Variants in MYO10 observed in about 807,000 individuals in gnomAD.
MYO10 encodes the protein myosin X.
A neutral mutation model predicts 257.3 loss-of-function variants in MYO10; 133 were observed. The ratio of observed to expected loss-of-function variants is 0.52; its 90% CI spans 0.45 to 0.60. MYO10 has a LOEUF of 0.60. Ranked by LOEUF, MYO10 falls within the 20% of genes least tolerant of loss-of-function variation. The probability of loss-of-function intolerance (pLI) is 0.00; values close to 1 mark genes in which losing one functional copy is unlikely to be tolerated. For missense variants in MYO10, 2,399 were observed against 2,635.7 expected (o/e 0.91, Z 1.97); for synonymous variants, 1,104 against 1,028.6 (o/e 1.07, Z -1.40).
intron 4 of MYO10, among the ~76,000 whole-genome samples, chr5:16,790,133 GA>G (rs1741709886): frequency 1.3e-5 from 2 of 151,770 alleles, no homozygotes; most frequent in South Asian, 4.2e-4. Context: ...TCTAGAAATA[GA>G]AAAAGACCAA....
intron 1 of MYO10, among the ~76,000 whole-genome samples, chr5:16,927,355 TG>T (rs1746163812): frequency 6.6e-6 from 1 of 152,196 alleles, no homozygotes; most frequent in South Asian, 2.1e-4. Flanking sequence ...GATGGAGTCT[TG>T]CTCTGTTGCC....
At chr5:16,899,978 A>G (rs747398164) in intron 1 of MYO10, among the ~76,000 whole-genome samples, 32 of 137,054 alleles carry the variant, frequency 2.3e-4, no homozygotes, top group Non-Finnish European at 4.4e-4. Context: ...AGCCTGGGCA[A>G]CACAGCAAGA....
chr5:16,848,155 C>CTTTTTTTTTTTTTTTTTTTTTTTTTTTTT (rs371042891), intron 2 of MYO10, among the ~76,000 whole-genome samples: 1 of 113,596 alleles, frequency 8.8e-6, no homozygotes, highest in Non-Finnish European at 1.7e-5. Context: ...CTACACATTT[C>CTTTTTTTTTTTTTTTTTTTTTTTTTTTTT]TTTTTTTTTT....
At chr5:16,901,677 C>G (rs1364388919) in intron 1 of MYO10, among the ~76,000 whole-genome samples, 1 of 152,142 alleles carries the variant, frequency 6.6e-6, no homozygotes, top group African/African-American at 2.4e-5. Flanking sequence ...CATCAAAATC[C>G]TAAATTACCT....
chr5:16,877,505 G>GT, intron 2 of MYO10, 104 bp downstream of exon 2: 1 of 795,254 alleles, frequency 1.3e-6, no homozygotes, highest in South Asian at 1.6e-5. Context: ...GGAAAAAAAT[G>GT]TAAAGCGTGT....
intron 27 of MYO10, among the ~76,000 whole-genome samples, chr5:16,692,486 G>T (rs2126526380): frequency 6.6e-6 from 1 of 152,186 alleles, no homozygotes; most frequent in East Asian, 1.9e-4. Context: ...CTGGGAGTTT[G>T]GATAATATTA....
At chr5:16,784,655 A>G (rs934599379) in intron 4 of MYO10, among the ~76,000 whole-genome samples, 1 of 152,228 alleles carries the variant, frequency 6.6e-6, no homozygotes, top group Non-Finnish European at 1.5e-5. Context: ...AAACGCCATC[A>G]CGAGGCAGCA....
At chr5:16,847,868 G>C (rs1433691876) in intron 2 of MYO10, among the ~76,000 whole-genome samples, 1 of 152,162 alleles carries the variant, frequency 6.6e-6, no homozygotes, top group African/African-American at 2.4e-5. Context: ...CTGCGCTCCA[G>C]TCTGGGCAAC....
chr5:16,677,791 G>A (rs530545024), intron 33 of MYO10, among the ~76,000 whole-genome samples: 4 of 147,102 alleles, frequency 2.7e-5, no homozygotes, highest in Admixed American at 1.4e-4. Flanking sequence ...ACAGAGTTTC[G>A]CTCTGGTTGC....
chr5:16,883,035 C>T (rs548931543), intron 1 of MYO10, among the ~76,000 whole-genome samples: 1 of 152,010 alleles, frequency 6.6e-6, no homozygotes, highest in Admixed American at 6.5e-5. Flanking sequence ...CCTGCCTCAG[C>T]CTCCTGAGTA....
chr5:16,839,348 C>G (rs1462178167), intron 2 of MYO10, among the ~76,000 whole-genome samples: 1 of 152,120 alleles, frequency 6.6e-6, no homozygotes, highest in African/African-American at 2.4e-5. Flanking sequence ...TTCAAGACTT[C>G]AGTGGAGGAA....
At chr5:16,917,781 G>A (rs1360921491) in intron 1 of MYO10, among the ~76,000 whole-genome samples, 5 of 152,052 alleles carry the variant, frequency 3.3e-5, no homozygotes, top group African/African-American at 1.2e-4. Flanking sequence ...GGCCGAACGG[G>A]GGAGAATCTC....
At chr5:16,841,207 A>G (rs1743471177) in intron 2 of MYO10, among the ~76,000 whole-genome samples, 1 of 152,158 alleles carries the variant, frequency 6.6e-6, no homozygotes, top group Non-Finnish European at 1.5e-5. Context: ...CTGAAGACAG[A>G]TTCAGAAACA....
chr5:16,860,746 T>C (rs1286347989), intron 2 of MYO10, among the ~76,000 whole-genome samples: 1 of 147,864 alleles, frequency 6.8e-6, no homozygotes, highest in Non-Finnish European at 1.5e-5. Context: ...GGGCCCGTGA[T>C]GAACGATGGG....
intron 3 of MYO10, among the ~76,000 whole-genome samples, chr5:16,816,067 G>A (rs1193416830): frequency 6.6e-6 from 1 of 151,456 alleles, no homozygotes; most frequent in Non-Finnish European, 1.5e-5. Context: ...AAAGGGCGGG[G>A]CACAGTGGCT....
At chr5:16,900,282 A>T (rs1309740904) in intron 1 of MYO10, among the ~76,000 whole-genome samples, 1 of 152,184 alleles carries the variant, frequency 6.6e-6, no homozygotes, top group Non-Finnish European at 1.5e-5. Flanking sequence ...TTCACCTAAA[A>T]ACTGCCCTCT....
chr5:16,795,911 C>T (rs1031016072), intron 3 of MYO10, among the ~76,000 whole-genome samples: 6 of 151,940 alleles, frequency 3.9e-5, no homozygotes, highest in African/African-American at 1.2e-4. Context: ...GGTATCAGAC[C>T]GAGCGCAGTG....
intron 2 of MYO10, among the ~76,000 whole-genome samples, chr5:16,866,477 G>A (rs1473089217): frequency 1.3e-5 from 2 of 152,072 alleles, no homozygotes; most frequent in Non-Finnish European, 2.9e-5. Flanking sequence ...TGTGATTGCC[G>A]ATCTCTAACC....
chr5:16,799,817 C>T (rs1251864343), intron 3 of MYO10, among the ~76,000 whole-genome samples: 4 of 152,062 alleles, frequency 2.6e-5, no homozygotes, highest in Admixed American at 2.0e-4. Flanking sequence ...TAACAGCGGA[C>T]GCTCCCTGGG....
Sources: gnomAD v4.1 joint callset for allele counts (sites outside exome capture counted in the v4.1 genomes callset) on GRCh38, gnomAD v4.1.1 for gene constraint, MANE v1.5 for transcripts, NCBI Gene and HGNC (gene_info 2026-07-23, HGNC 2026-07-21) for gene names.